The following TMEM182 variants were observed in gnomAD, a reference collection of about 807,000 sequenced individuals.
TMEM182 encodes the protein transmembrane protein 182.
In TMEM182, 20 loss-of-function variants were observed where a neutral mutation model predicts 26.8. That is an observed-to-expected ratio of 0.75 (90% CI 0.53 to 1.09). The LOEUF (loss-of-function observed/expected upper bound fraction) is 1.09, where lower values mean the gene tolerates loss of function less well. Among genes scored for constraint, TMEM182 ranks in the 50% least tolerant of loss-of-function variants. TMEM182 has a pLI of 0.00. For synonymous variants in TMEM182, 109 were observed against 102.2 expected (o/e 1.07, Z -0.40); for missense variants, 277 against 275.5 (o/e 1.01, Z -0.04).
chr2:102,841,006 G>C (rs1683338626), intron 3 of TMEM182, among the ~76,000 whole-genome samples: 1 of 152,258 alleles, frequency 6.6e-6, no homozygotes, highest in South Asian at 2.1e-4. Context: ...GTGATGCCAG[G>C]GGACTTTTTT....
intron 1 of TMEM182, among the ~76,000 whole-genome samples, chr2:102,754,697 T>C (rs1214536333): frequency 6.6e-6 from 1 of 152,206 alleles, no homozygotes; most frequent in East Asian, 1.9e-4. Context: ...TTTGGGAATG[T>C]TTAAATCATT....
At chr2:102,748,231 A>C (rs1488545715) in intron 1 of TMEM182, among the ~76,000 whole-genome samples, 1 of 152,238 alleles carries the variant, frequency 6.6e-6, no homozygotes, top group African/African-American at 2.4e-5. Context: ...ATCCATGGAC[A>C]CTGATAGTCT....
intron 3 of TMEM182, among the ~76,000 whole-genome samples, chr2:102,778,297 A>G (rs1272946596): frequency 6.6e-6 from 1 of 151,886 alleles, no homozygotes; most frequent in Non-Finnish European, 1.5e-5. Flanking sequence ...AGTCTTCTTG[A>G]TCTTATATTA....
chr2:102,756,901 C>T (rs540858585), intron 1 of TMEM182, among the ~76,000 whole-genome samples: 8 of 152,204 alleles, frequency 5.3e-5, no homozygotes, highest in African/African-American at 1.7e-4. Context: ...GCAACCTCCA[C>T]CTCCGGGGTT....
downstream of TMEM182, among the ~76,000 whole-genome samples, chr2:102,819,740 C>T (rs1682872400): frequency 6.6e-6 from 1 of 152,070 alleles, no homozygotes; most frequent in Non-Finnish European, 1.5e-5. Flanking sequence ...TACACATATC[C>T]AAATATCTGT....
At chr2:102,744,357 C>G (rs1471517243) in intron 1 of TMEM182, among the ~76,000 whole-genome samples, 1 of 152,004 alleles carries the variant, frequency 6.6e-6, no homozygotes, top group Non-Finnish European at 1.5e-5. Flanking sequence ...AAACAAACTA[C>G]AAATGAAAAT....
At chr2:102,808,211 A>G (rs1376659185) in intron 4 of TMEM182, among the ~76,000 whole-genome samples, 2 of 152,116 alleles carry the variant, frequency 1.3e-5, no homozygotes, top group African/African-American at 4.8e-5. Context: ...GTCTTTTTCC[A>G]AAGGAGTTCC....
chr2:102,771,575 C>T (rs569449048), intron 3 of TMEM182, among the ~76,000 whole-genome samples: 6 of 152,156 alleles, frequency 3.9e-5, no homozygotes, highest in South Asian at 2.1e-4. Context: ...TATGTAATAT[C>T]CCTGCAACGA....
At chr2:102,794,267 C>G (rs1243190516) in intron 3 of TMEM182, among the ~76,000 whole-genome samples, 3 of 152,126 alleles carry the variant, frequency 2.0e-5, no homozygotes, top group Non-Finnish European at 4.4e-5. Context: ...ATACTCAGGT[C>G]ACTCGGACTC....
intron 1 of TMEM182, among the ~76,000 whole-genome samples, chr2:102,749,866 C>CA (rs1197374855): frequency 1.3e-5 from 2 of 150,882 alleles, no homozygotes; most frequent in South Asian, 2.1e-4. Flanking sequence ...CCATCCTGTA[C>CA]AAAAAAAATT....
intron 1 of TMEM182, among the ~76,000 whole-genome samples, chr2:102,751,206 G>T (rs896971911): frequency 6.6e-6 from 1 of 152,154 alleles, no homozygotes; most frequent in African/African-American, 2.4e-5. Context: ...GCCCGAGTGG[G>T]TCTTCCGGCC....
intron 4 of TMEM182, among the ~76,000 whole-genome samples, chr2:102,801,127 C>T (rs780012178): frequency 6.6e-6 from 1 of 151,916 alleles, no homozygotes; most frequent in Non-Finnish European, 1.5e-5. Context: ...TGCAAAAGCC[C>T]CGAGAAGTTC....
At chr2:102,809,569 G>A (rs1010003460) in intron 4 of TMEM182, among the ~76,000 whole-genome samples, 7 of 152,104 alleles carry the variant, frequency 4.6e-5, no homozygotes, top group African/African-American at 1.7e-4. Flanking sequence ...CAGAATGTTT[G>A]GGAATGTTTT....
intron 3 of TMEM182, among the ~76,000 whole-genome samples, chr2:102,789,402 G>T (rs930559003): frequency 6.6e-6 from 1 of 152,138 alleles, no homozygotes; most frequent in African/African-American, 2.4e-5. Flanking sequence ...ATGAAAGAAG[G>T]TTTGTTCTGC....
intron 3 of TMEM182, among the ~76,000 whole-genome samples, chr2:102,781,711 A>C (rs1317258616): frequency 6.6e-6 from 1 of 152,172 alleles, no homozygotes; most frequent in African/African-American, 2.4e-5. Flanking sequence ...ACTGCTGAGA[A>C]GTAGAGGAAG....
intron 3 of TMEM182, among the ~76,000 whole-genome samples, chr2:102,795,295 G>T (rs951491902): frequency 2.6e-5 from 4 of 152,100 alleles, no homozygotes; most frequent in African/African-American, 2.4e-5. Flanking sequence ...TAATTGATCA[G>T]ATTTTCATTA....
At position 102,816,574 on chromosome 2, in the gene TMEM182, C is replaced by T. The variant is rs914239102; in HGVS notation, c.*1606C>T. The T allele has an allele frequency of 1.0e-6, 1 of 984,320 alleles. No homozygotes were observed. The highest frequency in any genetic ancestry group is 1.8e-5 in the African/African-American group (1 of 57,002). The allele number at this position is 984,320 out of a possible 1,614,324, so 61.0% of individuals were successfully genotyped here. A position where few individuals can be genotyped will look rare whatever the true frequency, so the allele number is the denominator to read the frequency against. On this transcript the variant is annotated 3_prime_UTR_variant, in exon 5 of 5. Transcript: ENST00000412401. ...AGCTCCAGAGGCCTAACTGGTTTCT[C>T]AAGTCATTTCAGTGATATCATTGAA...
intron 3 of TMEM182, among the ~76,000 whole-genome samples, chr2:102,770,513 G>A (rs547877458): frequency 6.6e-6 from 1 of 152,274 alleles, no homozygotes; most frequent in East Asian, 1.9e-4. Context: ...CTCCCTCAGG[G>A]ATCCCATTCC....
chr2:102,766,729 C>T (rs1344300881), intron 3 of TMEM182, among the ~76,000 whole-genome samples: 2 of 152,056 alleles, frequency 1.3e-5, no homozygotes, highest in African/African-American at 2.4e-5. Context: ...TCACAATTAC[C>T]CAACATCAGA....
Sources: gnomAD v4.1 joint callset for allele counts (sites outside exome capture counted in the v4.1 genomes callset) on GRCh38, gnomAD v4.1.1 for gene constraint, MANE v1.5 for transcripts, NCBI Gene and HGNC (gene_info 2026-07-23, HGNC 2026-07-21) for gene names.